Variants in GAS2L1 observed in about 807,000 individuals in gnomAD.
The protein encoded by GAS2L1 is growth arrest specific 2 like 1.
Under a neutral mutation model 44.0 loss-of-function variants are expected in GAS2L1, and 26 were observed. The observed-to-expected ratio is 0.59, with a 90% CI of 0.43 to 0.82. The LOEUF (loss-of-function observed/expected upper bound fraction) is 0.82, where lower values mean the gene tolerates loss of function less well. Ranked by LOEUF, GAS2L1 falls within the 40% of genes least tolerant of loss-of-function variation. The probability of loss-of-function intolerance (pLI) is 0.00; values close to 1 mark genes in which losing one functional copy is unlikely to be tolerated. For missense variants in GAS2L1, 1,006 were observed against 983.0 expected (o/e 1.02, Z -0.31); for synonymous variants, 426 against 415.9 (o/e 1.02, Z -0.30).
exon 1 of GAS2L1, chr22:29,308,458 A>G (rs1318278765): frequency 2.5e-6 from 4 of 1,606,612 alleles, no homozygotes; most frequent in Non-Finnish European, 3.4e-6. Flanking sequence ...GGTGTGCCGG[A>G]GGTGCTCATG....
exon 1 of GAS2L1, chr22:29,308,247 G>A: frequency 6.2e-7 from 1 of 1,609,144 alleles, no homozygotes; most frequent in East Asian, 2.2e-5. Flanking sequence ...TCTCCCGGGT[G>A]GTGGCGATGG....
exon 5 of GAS2L1, chr22:29,311,711 C>A: frequency 6.5e-7 from 1 of 1,529,850 alleles, no homozygotes; most frequent in Admixed American, 2.0e-5. Flanking sequence ...CCCCAGGAGG[C>A]AGGGGAGCCC....
exon 3 of GAS2L1, chr22:29,310,663 G>A: frequency 6.2e-7 from 1 of 1,607,084 alleles, no homozygotes; most frequent in Non-Finnish European, 8.5e-7. Context: ...GTGATGGTGC[G>A]AGTGGGTGGT....
chr22:29,310,560 G>T lies in GAS2L1; in HGVS notation c.741+14G>T, dbSNP rs199894715. On this transcript the variant is annotated intron_variant, in intron 2 of 4. Coordinates refer to ENST00000618518, the Ensembl canonical transcript of GAS2L1. ...ATCTTTGTGCGGGTAAGGGCCTGGGGCCGCCCCAGCGGGCAGCAGCCAAGG... is the reference window on the plus strand; with the variant it reads ...ATCTTTGTGCGGGTAAGGGCCTGGGTCCGCCCCAGCGGGCAGCAGCCAAGG... 2 of 1,592,454 alleles carry T rather than the reference G, an allele frequency of 1.3e-6. No homozygotes were observed. The highest frequency in any genetic ancestry group is 4.5e-5 in the East Asian group (2 of 44,776).
exon 1 of GAS2L1, chr22:29,308,270 GCTGGCCACGGGCACGACC>G: frequency 6.2e-7 from 1 of 1,608,436 alleles, no homozygotes; most frequent in Non-Finnish European, 8.5e-7. Flanking sequence ...TCCTGACAGG[GCTGGCCACGGGCACGACC>G]CTGTGCCAAC....
chr22:29,311,526 GCCT>G (rs1376935989), exon 5 of GAS2L1: 1 of 1,539,572 alleles, frequency 6.5e-7, no homozygotes. Context: ...TGACTCCTCA[GCCT>G]CCTCCGCCCA....
exon 5 of GAS2L1, chr22:29,312,285 G>A (rs1190343415): frequency 1.9e-6 from 3 of 1,609,564 alleles, no homozygotes; most frequent in Non-Finnish European, 2.5e-6. Flanking sequence ...CCCTGGCATG[G>A]GGGGGCCACT....
rs747541065 is a variant in GAS2L1 at position 29,308,537 on chromosome 22, G to A, written c.432G>A (p.Ala144=). The change falls in exon 1 of 5, where the codon GCG becomes GCA. Residue 144 remains alanine, a synonymous_variant. Transcript: ENST00000618518. ...TGGTGCTGTGCCTGCTGGAGGTGGC[G>A]CGGCGTGGGGCACGCCTGGGCCTGC... 8 of 1,602,128 alleles carry A rather than the reference G, an allele frequency of 5.0e-6. No individual in the cohort carries two copies. The African/African-American group carries it at 5.3e-5, about 11-fold the overall frequency.
exon 1 of GAS2L1, chr22:29,307,907 G>A (rs2061364529): frequency 4.7e-6 from 2 of 427,870 alleles, no homozygotes; most frequent in South Asian, 1.7e-4. Context: ...ATGAGGCAGG[G>A]AATGTTACTG....
At chr22:29,311,901 C>G (rs767656866) in exon 5 of GAS2L1, 1 of 1,601,276 alleles carries the variant, frequency 6.2e-7, no homozygotes, top group South Asian at 1.1e-5. Context: ...TGCAGCACCC[C>G]GGCTTTCCCG....
chr22:29,306,858 C>G (rs764495166), upstream of GAS2L1: 2 of 152,220 alleles, frequency 1.3e-5, no homozygotes, highest in Non-Finnish European at 2.9e-5. Context: ...CTCTCTGCGT[C>G]GAGAGCGCTC....
Position 29,310,740 on chromosome 22 carries a change from TGCCAGGGTGGGGCTGGG to T in GAS2L1, c.838+9_838+25del, listed in dbSNP as rs766248942. The stretch of plus-strand genomic sequence containing the variant: ...GTGCCGCTGCTCCTCCACTGGTCAG[TGCCAGGGTGGGGCTGGG>T]GCTGGACGGGCAGGGGACTTGCTTC... On this transcript the variant is annotated splice_region_variant and intron_variant, in intron 3 of 4. Coordinates refer to ENST00000618518, the Ensembl canonical transcript of GAS2L1. The T allele has an allele frequency of 1.2e-6, 2 of 1,607,708 alleles. No individual in the cohort carries two copies.
Position 29,310,506 on chromosome 22 carries a change from A to T in GAS2L1, c.701A>T (p.Lys234Met), listed in dbSNP as rs575268349. The T allele has an allele frequency of 2.5e-6, 4 of 1,611,878 alleles. No homozygotes were observed. The East Asian group carries it at 8.9e-5, about 36-fold the overall frequency. Residue 234 changes from lysine (K) to methionine (M), a missense_variant, in exon 2 of 5, where the codon AAG becomes ATG. Lys to Met is a moderately conservative substitution (Grantham distance 95). Transcript: ENST00000618518. ...CCCATGATCAAGGTCTCAGAGGGGA[A>T]GTACCGTGTGGGGGACTCGAGCCTG... is the stretch of plus-strand genomic sequence containing the variant.
At chr22:29,310,894 C>G in exon 4 of GAS2L1, 7 of 1,613,550 alleles carry the variant, frequency 4.3e-6, no homozygotes, top group African/African-American at 1.3e-5. Context: ...CCACCAGTCC[C>G]CGCCCTGCTA....
At position 29,310,268 on chromosome 22, in the gene GAS2L1, T is replaced by TA. The variant is rs138333337; in HGVS notation, c.634-163dup. The TA allele has an allele frequency of 1.0e-3, 385 of 373,036 alleles. 5 individuals carry two copies. Among genetic ancestry groups the TA allele is most frequent in the South Asian group, 5.4e-3 (49 of 9,026 alleles). The allele number at this position is 373,036 out of a possible 1,614,324, so 23.1% of individuals were successfully genotyped here. ...AAAAAAAAAAAAAAATAAAAAAAAA[T>TA]AAAAAAAATAAAAGAAAGGTCACGT... On this transcript the variant is annotated intron_variant, in intron 1 of 4. Coordinates refer to ENST00000618518, the Ensembl canonical transcript of GAS2L1.
chr22:29,310,193 G>C (rs1438245221), intron 1 of GAS2L1: 9 of 222,196 alleles, frequency 4.1e-5, no homozygotes, highest in Non-Finnish European at 6.9e-5. Flanking sequence ...GGTGAGACGA[G>C]ATCGTGCTAT....
chr22:29,311,811 C>A, exon 5 of GAS2L1: 1 of 1,587,236 alleles, frequency 6.3e-7, no homozygotes, highest in South Asian at 1.1e-5. Context: ...TCGAGACGGG[C>A]AGCACTCATG....
At chr22:29,307,034 G>A (rs567042003), upstream of GAS2L1, 2 of 151,778 alleles carry the variant, frequency 1.3e-5, no homozygotes, top group Admixed American at 6.5e-5. Flanking sequence ...ACGGCGGCGA[G>A]GAGGAGGCCG....
chr22:29,310,777 T>G (rs771984129), intron 3 of GAS2L1, 43 bp downstream of exon 4: 4 of 1,605,644 alleles, frequency 2.5e-6, no homozygotes, highest in Non-Finnish European at 3.4e-6. Flanking sequence ...GCAGGGGACT[T>G]GCTTCTGTGG....
Sources: allele counts gnomAD v4.1 joint callset, GRCh38; gene constraint gnomAD v4.1.1; transcripts MANE v1.5; gene names NCBI Gene and HGNC (gene_info 2026-07-23, HGNC 2026-07-21).